Variants in SNX30 observed in about 807,000 individuals in gnomAD.
SNX30 encodes the protein sorting nexin-30.
In SNX30, 24 loss-of-function variants were observed where a neutral mutation model predicts 46.4. That is an observed-to-expected ratio of 0.52 (90% confidence interval 0.37 to 0.73). The LOEUF (loss-of-function observed/expected upper bound fraction) is 0.73. Among genes scored for constraint, SNX30 ranks in the 30% least tolerant of loss-of-function variants. SNX30 has a pLI of 0.00. For synonymous variants in SNX30, 189 were observed against 211.5 expected (o/e 0.89, Z 0.92); for missense variants, 533 against 555.7 (o/e 0.96, Z 0.41).
intron 1 of SNX30, among the ~76,000 whole-genome samples, chr9:112,798,327 G>A (rs1310234541): frequency 2.0e-5 from 1 of 50,068 alleles, no homozygotes. Flanking sequence ...CCCTTCCTGT[G>A]TCCATGTGAT....
chr9:112,764,971 A>G (rs779300084), intron 1 of SNX30, among the ~76,000 whole-genome samples: 8 of 152,162 alleles, frequency 5.3e-5, no homozygotes, highest in Admixed American at 2.6e-4. Flanking sequence ...GAGTGAGTCT[A>G]TCTTCCCAGG....
At chr9:112,879,815 C>T (rs74339125), downstream of SNX30, 7,018 of 1,611,852 alleles carry the variant, frequency 4.4e-3, 12 homozygotes, top group Non-Finnish European at 5.3e-3. Flanking sequence ...TTATAGGCCA[C>T]GATGCTGTAA....
intron 1 of SNX30, among the ~76,000 whole-genome samples, chr9:112,779,335 A>G (rs62576389): frequency 0.068 from 10,390 of 152,186 alleles, 456 homozygotes; most frequent in Non-Finnish European, 0.099. Context: ...TCCATCATTC[A>G]TTTCTCCTTC....
intron 6 of SNX30, among the ~76,000 whole-genome samples, chr9:112,840,613 G>A (rs1179413928): frequency 6.6e-6 from 1 of 152,010 alleles, no homozygotes; most frequent in Non-Finnish European, 1.5e-5. Flanking sequence ...AGCCTCCCGA[G>A]TAGCTGGGAT....
intron 1 of SNX30, among the ~76,000 whole-genome samples, chr9:112,785,507 C>T (rs1839908908): frequency 6.6e-6 from 1 of 151,998 alleles, no homozygotes; most frequent in Admixed American, 6.6e-5. Flanking sequence ...CCTTAGCCTC[C>T]TGAGTAGCTG....
intron 6 of SNX30, among the ~76,000 whole-genome samples, 163 bp downstream of exon 6, chr9:112,838,860 A>G (rs1012095763): frequency 6.6e-6 from 1 of 152,224 alleles, no homozygotes; most frequent in South Asian, 2.1e-4. Context: ...AATGGAACAC[A>G]TGGTGAACGA....
intron 3 of SNX30, among the ~76,000 whole-genome samples, chr9:112,821,894 C>T (rs897580050): frequency 2.6e-5 from 4 of 152,030 alleles, no homozygotes; most frequent in East Asian, 1.9e-4. Flanking sequence ...CAGGATCAAG[C>T]GATTCTCCCA....
chr9:112,840,115 G>T (rs147372989), intron 6 of SNX30, among the ~76,000 whole-genome samples: 5 of 152,176 alleles, frequency 3.3e-5, no homozygotes, highest in Non-Finnish European at 2.9e-5. Flanking sequence ...TCATGTGTGC[G>T]TTATAAAGTT....
intron 7 of SNX30, among the ~76,000 whole-genome samples, chr9:112,856,443 G>A (rs1841130863): frequency 6.7e-6 from 1 of 149,754 alleles, no homozygotes; most frequent in African/African-American, 2.5e-5. Flanking sequence ...GGGGGTGGGT[G>A]TGGTGTTTTG....
intron 3 of SNX30, among the ~76,000 whole-genome samples, chr9:112,830,157 A>G (rs887251418): frequency 6.6e-6 from 1 of 152,190 alleles, no homozygotes; most frequent in African/African-American, 2.4e-5. Flanking sequence ...ATGTATTTGA[A>G]TAAGGGGAAT....
chr9:112,816,490 C>T (rs1414868238), intron 2 of SNX30, among the ~76,000 whole-genome samples: 1 of 152,168 alleles, frequency 6.6e-6, no homozygotes, highest in Non-Finnish European at 1.5e-5. Flanking sequence ...AGAGGAAGGT[C>T]GTGTTTCATA....
At chr9:112,808,901 C>A (rs920138003) in intron 2 of SNX30, among the ~76,000 whole-genome samples, 2 of 152,130 alleles carry the variant, frequency 1.3e-5, no homozygotes, top group African/African-American at 4.8e-5. Context: ...ATCAGTTAAT[C>A]TTCACACTCA....
chr9:112,790,566 A>G (rs1840003964), intron 1 of SNX30, among the ~76,000 whole-genome samples: 1 of 152,182 alleles, frequency 6.6e-6, no homozygotes, highest in Admixed American at 6.5e-5. Context: ...TGTACCATGT[A>G]CCAGTGGCTG....
At chr9:112,866,561 A>G (rs1841347156) in intron 8 of SNX30, 1 of 470,046 alleles carries the variant, frequency 2.1e-6, no homozygotes, top group Non-Finnish European at 4.4e-6. Context: ...CATCTTCCGT[A>G]TATAAGGTGG....
In SNX30 at chr9:112,872,441, CTT is replaced by C. The variant is rs1841461737; in HGVS notation, c.*3599_*3600del. 6.6e-6 allele frequency: 1 copy of C among 152,242 alleles called. No homozygotes were observed. The allele number at this position is 152,242 out of a possible 1,614,324, so 9.4% of individuals were successfully genotyped here. The stretch of plus-strand genomic sequence containing the variant: ...GGGACAGTCATTCTTTACGTTCTCT[CTT>C]GAGCTGGTGAGAGAGGAGGAAGAGG... On this transcript the variant is annotated 3_prime_UTR_variant, in exon 9 of 9. Coordinates refer to ENST00000374232, the MANE Select transcript of SNX30 (RefSeq NM_001012994.2).
chr9:112,862,155 G>C (rs1029842954), intron 7 of SNX30, among the ~76,000 whole-genome samples: 1 of 152,132 alleles, frequency 6.6e-6, no homozygotes, highest in African/African-American at 2.4e-5. Flanking sequence ...GATTTTTCTG[G>C]GTCAGTCAGA....
At chr9:112,838,721 A>G (rs1840808183) in intron 6 of SNX30, 24 bp downstream of exon 6, 1 of 1,602,774 alleles carries the variant, frequency 6.2e-7, no homozygotes. Context: ...CTTCTTGTGT[A>G]TTTGCATACT....
chr9:112,778,248 C>T (rs925683499), intron 1 of SNX30, among the ~76,000 whole-genome samples: 2 of 147,336 alleles, frequency 1.4e-5, no homozygotes, highest in African/African-American at 2.5e-5. Flanking sequence ...GAAATTGGCA[C>T]AGGATCAGTT....
chr9:112,819,279 T>TTC (rs1840454787), intron 3 of SNX30, among the ~76,000 whole-genome samples: 1 of 148,372 alleles, frequency 6.7e-6, no homozygotes, highest in African/African-American at 2.5e-5. Flanking sequence ...TTTTTTTTTT[T>TTC]TTTTTGAGAT....
Sources: allele counts gnomAD v4.1 joint callset (sites outside exome capture counted in the v4.1 genomes callset), GRCh38; gene constraint gnomAD v4.1.1; transcripts MANE v1.5; gene names NCBI Gene and HGNC (gene_info 2026-07-23, HGNC 2026-07-21).